Variants in MAF observed in about 807,000 individuals in gnomAD.
The protein encoded by MAF is MAF bZIP transcription factor, also known as transcription factor Maf.
MAF carries 10 observed loss-of-function variants against 22.0 expected under a neutral mutation model. The observed-to-expected ratio is 0.45, with a 90% CI of 0.28 to 0.77. The LOEUF (loss-of-function observed/expected upper bound fraction) is 0.77, where lower values mean the gene tolerates loss of function less well. MAF is among the 30% of genes least tolerant of loss of function. The pLI, the probability that MAF is intolerant of heterozygous loss-of-function variation, is 0.12. For missense variants in MAF, 544 were observed against 548.4 expected (o/e 0.99, Z 0.08); for synonymous variants, 337 against 255.8 (o/e 1.32, Z -3.03).
the MAF span, among the ~76,000 whole-genome samples, chr16:79,323,819 T>C: frequency 8.0e-4 from 122 of 152,258 alleles, 1 homozygote; most frequent in African/African-American, 2.9e-3. Flanking sequence ...GGGAAGGAAT[T>C]TTTAGTTAAG....
chr16:79,491,861 G>C, the MAF span, among the ~76,000 whole-genome samples: 2 of 152,138 alleles, frequency 1.3e-5, no homozygotes, highest in Non-Finnish European at 2.9e-5. Flanking sequence ...GGGGATTTTA[G>C]TGAGAAGAAT....
the MAF span, among the ~76,000 whole-genome samples, chr16:79,349,978 G>A: frequency 6.6e-6 from 1 of 152,136 alleles, no homozygotes; most frequent in African/African-American, 2.4e-5. Context: ...ACTCTGGTTG[G>A]CTTTCCTCCT....
At chr16:79,313,932 G>T in the MAF span, among the ~76,000 whole-genome samples, 1 of 152,096 alleles carries the variant, frequency 6.6e-6, no homozygotes, top group Non-Finnish European at 1.5e-5. Flanking sequence ...TAGCACCTAC[G>T]TTCACAGGAT....
At chr16:79,360,423 C>T in the MAF span, among the ~76,000 whole-genome samples, 1 of 152,184 alleles carries the variant, frequency 6.6e-6, no homozygotes, top group East Asian at 1.9e-4. Context: ...GATTAAATCC[C>T]AGCTCTACCA....
At chr16:79,499,098 G>A in the MAF span, among the ~76,000 whole-genome samples, 2 of 152,170 alleles carry the variant, frequency 1.3e-5, no homozygotes, top group Non-Finnish European at 2.9e-5. Context: ...TATTTCACAG[G>A]CCTACTCGAA....
chr16:79,275,519 T>A, the MAF span, among the ~76,000 whole-genome samples: 1 of 152,200 alleles, frequency 6.6e-6, no homozygotes, highest in Non-Finnish European at 1.5e-5. Context: ...GAAAGTCACT[T>A]GCTCAGACTC....
At chr16:79,359,290 A>G in the MAF span, among the ~76,000 whole-genome samples, 1 of 152,176 alleles carries the variant, frequency 6.6e-6, no homozygotes, top group African/African-American at 2.4e-5. Context: ...GGTCTCAGGA[A>G]GTGATGGTGA....
downstream of MAF, among the ~76,000 whole-genome samples, chr16:79,582,385 T>G (rs1193535948): frequency 6.6e-6 from 1 of 152,242 alleles, no homozygotes; most frequent in Non-Finnish European, 1.5e-5. Flanking sequence ...GCTGCACTTT[T>G]GCAGAAATTC....
chr16:79,585,830 G>GAAA, downstream of MAF: 7 of 521,072 alleles, frequency 1.3e-5, no homozygotes, highest in African/African-American at 8.1e-5. Flanking sequence ...CAAAGAAAAG[G>GAAA]AAAAAAAAAA....
chr16:79,278,602 C>A, the MAF span, among the ~76,000 whole-genome samples: 1 of 152,166 alleles, frequency 6.6e-6, no homozygotes, highest in Non-Finnish European at 1.5e-5. Flanking sequence ...TTGCTTTTTC[C>A]GTGTCTGTGT....
the MAF span, among the ~76,000 whole-genome samples, chr16:79,303,422 G>C: frequency 6.6e-6 from 1 of 152,236 alleles, no homozygotes; most frequent in Middle Eastern, 3.4e-3. Context: ...TGTGCAATGT[G>C]GGAAGCACGG....
the MAF span, among the ~76,000 whole-genome samples, chr16:79,257,133 T>A: frequency 1.3e-5 from 2 of 152,026 alleles, no homozygotes; most frequent in African/African-American, 4.8e-5. Flanking sequence ...GCCAAGATCA[T>A]GCCACTGCAC....
chr16:79,491,184 C>T, the MAF span, among the ~76,000 whole-genome samples: 1 of 152,144 alleles, frequency 6.6e-6, no homozygotes, highest in Non-Finnish European at 1.5e-5. Flanking sequence ...GCTTTCAGGG[C>T]AGGCCTGACG....
At chr16:79,513,464 G>A in the MAF span, among the ~76,000 whole-genome samples, 7 of 152,330 alleles carry the variant, frequency 4.6e-5, no homozygotes, top group Non-Finnish European at 8.8e-5. Flanking sequence ...TGCTCCTGGA[G>A]CACAGCAGAC....
the MAF span, among the ~76,000 whole-genome samples, chr16:79,305,558 A>G: frequency 6.6e-6 from 1 of 152,064 alleles, no homozygotes; most frequent in Non-Finnish European, 1.5e-5. Context: ...TGAGACCTCC[A>G]CTGGTCATGG....
the MAF span, among the ~76,000 whole-genome samples, chr16:79,408,920 T>A: frequency 6.6e-6 from 1 of 150,644 alleles, no homozygotes; most frequent in Non-Finnish European, 1.5e-5. Context: ...AATATTTTTA[T>A]TGTAACTGTA....
chr16:79,400,264 T>C, the MAF span, among the ~76,000 whole-genome samples: 1 of 152,194 alleles, frequency 6.6e-6, no homozygotes, highest in Non-Finnish European at 1.5e-5. Context: ...CATCCCTTTG[T>C]GGCTTGGGGT....
chr16:79,584,604 G>C (rs1011877885), downstream of MAF, among the ~76,000 whole-genome samples: 3 of 152,124 alleles, frequency 2.0e-5, no homozygotes, highest in African/African-American at 7.2e-5. Flanking sequence ...CACGAAACCT[G>C]CCAGTGGACC....
At chr16:79,547,901 TGAGA>T in the MAF span, among the ~76,000 whole-genome samples, 3 of 137,266 alleles carry the variant, frequency 2.2e-5, no homozygotes, top group Non-Finnish European at 3.3e-5. Flanking sequence ...TGTGTGTGTG[TGAGA>T]GAGAGAGAGA....
Sources: gnomAD v4.1 joint callset for allele counts (sites outside exome capture counted in the v4.1 genomes callset) on GRCh38, gnomAD v4.1.1 for gene constraint, MANE v1.5 for transcripts, NCBI Gene and HGNC (gene_info 2026-07-23, HGNC 2026-07-21) for gene names.